Variants in KCNH3 observed in about 807,000 individuals in gnomAD.
KCNH3 encodes potassium voltage-gated channel subfamily H member 3, also known as voltage-gated inwardly rectifying potassium channel KCNH3.
In KCNH3, 36 loss-of-function variants were observed where a neutral mutation model predicts 95.6. The ratio of observed to expected loss-of-function variants is 0.38; its 90% CI spans 0.29 to 0.50. The LOEUF (loss-of-function observed/expected upper bound fraction) is 0.50, where lower values mean the gene tolerates loss of function less well. KCNH3 is among the 20% of genes least tolerant of loss of function. The pLI is 0.95. For missense variants in KCNH3, 1,030 were observed against 1,484.1 expected (o/e 0.69, Z 5.03); for synonymous variants, 620 against 646.3 (o/e 0.96, Z 0.62).
chr12:49,558,214 A>G lies in KCNH3; in HGVS notation c.*261A>G, dbSNP rs1938552839. 2.5e-6 allele frequency: 1 copy of G among 402,368 alleles called. No individual in the cohort carries two copies. The highest frequency in any genetic ancestry group is 4.2e-5 in the Admixed American group (1 of 24,084). 24.9% of individuals were successfully genotyped at this position (402,368 alleles called of 1,614,324 possible). Reference sequence around the variant, plus strand: ...GGCTGGGGGCAGAGGCCTGAGGACAAGGAAGAGCTTTGCCATCCCCTGCAT... The same window carrying G: ...GGCTGGGGGCAGAGGCCTGAGGACAGGGAAGAGCTTTGCCATCCCCTGCAT... On this transcript the variant is annotated 3_prime_UTR_variant, in exon 15 of 15. Coordinates refer to ENST00000257981, the MANE Select transcript of KCNH3 (RefSeq NM_012284.3).
At position 49,549,076 on chromosome 12, in the gene KCNH3, C is replaced by T; in HGVS notation, c.1371C>T (p.Tyr457=). ...GCAGCGCCTACATCACCTCCCTCTA[C>T]TTCGCACTCAGCAGCCTCACCAGCG... ...SLRSAYITSL[Y]FALSSLTSVG... is the part of the protein sequence containing the mutation. The change falls in exon 8 of 15, where the codon TAC becomes TAT. Residue 457 remains tyrosine (Y), a synonymous_variant. Coordinates refer to ENST00000257981, the MANE Select transcript of KCNH3 (RefSeq NM_012284.3). 2 of 1,612,716 alleles carry T rather than the reference C, an allele frequency of 1.2e-6. No individual in the cohort carries two copies. The highest frequency in any genetic ancestry group is 8.5e-7 in the Non-Finnish European group (1 of 1,179,858).
At chr12:49,556,008 G>C in intron 12 of KCNH3, 57 bp downstream of exon 12, 6 of 851,760 alleles carry the variant, frequency 7.0e-6, no homozygotes, top group Non-Finnish European at 1.1e-5. Context: ...TGAGGCCCTG[G>C]GCAGGCGCAC....
chr12:49,556,739 C>A (rs1391034194), intron 13 of KCNH3: 1 of 684,988 alleles, frequency 1.5e-6, no homozygotes, highest in Admixed American at 2.0e-5. Flanking sequence ...TTCTCTGGCC[C>A]CAGCTTCCTG....
rs769049896 is a variant in KCNH3, at chr12:49,556,399, G to C, written c.2498G>C (p.Gly833Ala). 7 of 1,613,966 alleles carry C rather than the reference G, an allele frequency of 4.3e-6. No individual in the cohort carries two copies. In the Admixed American group the frequency reaches 1.2e-4, roughly 27 times the overall value. Residue 833 changes from glycine to alanine, a missense_variant, in exon 13 of 15, where the codon GGC becomes GCC. By Grantham distance (60) the Gly-to-Ala change is moderately conservative (BLOSUM62 0). Coordinates refer to ENST00000257981, the MANE Select transcript of KCNH3 (RefSeq NM_012284.3). ...GTAGATGGCATTGAAGACGGCTGTG[G>C]CTCGGACCAGCCCAAGTTCTCTTTC... ...RVVDGIEDGC[G>A]SDQPKFSFRV...
intron 4 of KCNH3, 83 bp from the exon 5 acceptor site, chr12:49,543,192 G>A: frequency 1.4e-6 from 2 of 1,438,058 alleles, no homozygotes; most frequent in African/African-American, 1.4e-5. Flanking sequence ...GAAAGGAGGT[G>A]GATGCGGGTC....
intron 11 of KCNH3, among the ~76,000 whole-genome samples, 174 bp from the exon 12 acceptor site, chr12:49,555,446 C>CAA (rs762389072): frequency 2.4e-4 from 19 of 79,238 alleles, no homozygotes; most frequent in African/African-American, 4.6e-4. Flanking sequence ...GACTCTGTCT[C>CAA]AAAAAAAAAA....
At chr12:49,551,911 C>T (rs1367527254) in intron 10 of KCNH3, among the ~76,000 whole-genome samples, 1 of 152,208 alleles carries the variant, frequency 6.6e-6, no homozygotes. Context: ...TCCATCCTTG[C>T]TCCCTTGAAG....
chr12:49,555,614 C>A lies in KCNH3; in HGVS notation c.2137-6C>A. The stretch of plus-strand genomic sequence containing the variant: ...ATGCCGATTCCCTGTCCCTCACTAT[C>A]CCTAGGTGGACACCAGCTCCCTGAG... On this transcript the variant is annotated splice_region_variant and splice_polypyrimidine_tract_variant and intron_variant, in intron 11 of 14. Transcript: ENST00000257981. 6.5e-7 allele frequency: 1 copy of A among 1,526,832 alleles called. No individual in the cohort carries two copies. The highest frequency in any genetic ancestry group is 8.8e-7 in the Non-Finnish European group (1 of 1,130,786). 94.6% of individuals were successfully genotyped at this position (1,526,832 alleles called of 1,614,324 possible). A position where few individuals can be genotyped will look rare whatever the true frequency, so the allele number is the denominator to read the frequency against.
chr12:49,541,518 A>C, intron 2 of KCNH3, 112 bp from the exon 3 acceptor site: 49 of 1,295,438 alleles, frequency 3.8e-5, no homozygotes, highest in Non-Finnish European at 5.1e-5. Context: ...TTCCCCCAGG[A>C]AACCGCTAGA....
intron 12 of KCNH3, 104 bp from the exon 13 acceptor site, chr12:49,556,266 C>T (rs1189383549): frequency 1.7e-5 from 14 of 845,908 alleles, no homozygotes; most frequent in African/African-American, 1.0e-4. Flanking sequence ...GTCAGTTCCA[C>T]GCTCCTGCAG....
intron 9 of KCNH3, 26 bp from the exon 10 acceptor site, chr12:49,550,054 C>G: frequency 6.5e-7 from 1 of 1,529,486 alleles, no homozygotes; most frequent in Non-Finnish European, 8.8e-7. Context: ...CCCAACCCCC[C>G]CACCCCCGCA....
rs1405622991 is a variant in KCNH3, at chr12:49,542,771, C to A, written c.511C>A (p.Arg171=). Residue 171 remains arginine (R), a synonymous_variant, in exon 4 of 15, where the codon CGG becomes AGG. Transcript: ENST00000257981. The stretch of plus-strand genomic sequence containing the variant: ...CTTCAATGCCAACCGGCGGCGGAGC[C>A]GGGCCGTGCTCTACCACCTGTCCGG... ...KGFNANRRRS[R]AVLYHLSGHL... 2 of 1,594,766 alleles carry A rather than the reference C, an allele frequency of 1.3e-6. No homozygotes were observed. Among genetic ancestry groups the A allele is most frequent in the Non-Finnish European group, 1.7e-6 (2 of 1,172,110 alleles).
In KCNH3 at chr12:49,539,044, C is replaced by G. The variant is rs1423719032; in HGVS notation, c.-373C>G. ...GGGAGGGAGGGAGGCTGCAGCTTCT[C>G]CCCGACAGACGGAGGGAGCTGCCGA... On this transcript the variant is annotated 5_prime_UTR_variant, in exon 1 of 15. Transcript: ENST00000257981. The surrounding 1 kb of genome is among the most constrained non-coding windows in gnomAD (Gnocchi z 6.7). 6.6e-6 allele frequency: 1 copy of G among 152,250 alleles called. No individual in the cohort carries two copies. Among genetic ancestry groups the G allele is most frequent in the African/African-American group, 2.4e-5 (1 of 41,450 alleles). 9.4% of individuals were successfully genotyped at this position (152,250 alleles called of 1,614,324 possible).
intron 7 of KCNH3, 106 bp from the exon 8 acceptor site, chr12:49,548,789 G>A (rs1938154693): frequency 2.5e-6 from 3 of 1,210,688 alleles, no homozygotes; most frequent in Non-Finnish European, 3.4e-6. Flanking sequence ...GCAAAGCGGC[G>A]GGAAGCCATG....
chr12:49,543,149 C>A, intron 4 of KCNH3, 126 bp from the exon 5 acceptor site: 1 of 1,079,256 alleles, frequency 9.3e-7, no homozygotes, highest in Non-Finnish European at 1.3e-6. Context: ...AATGCCATCT[C>A]GAAGCAGATG....
At chr12:49,557,136 T>C (rs746521403) in intron 13 of KCNH3, 47 bp from the exon 14 acceptor site, 2 of 1,598,060 alleles carry the variant, frequency 1.3e-6, no homozygotes, top group African/African-American at 2.7e-5. Flanking sequence ...AAATTGCCTA[T>C]CTCCTCTTAC....
rs372185249 is a variant in KCNH3 at position 49,539,519 on chromosome 12, C to T, written c.76+27C>T. 1.3e-6 allele frequency: 2 copies of T among 1,574,268 alleles called. No homozygotes were observed. Among genetic ancestry groups the T allele is most frequent in the Non-Finnish European group, 1.7e-6 (2 of 1,161,196 alleles). On this transcript the variant is annotated intron_variant, in intron 1 of 14. Coordinates refer to ENST00000257981, the MANE Select transcript of KCNH3 (RefSeq NM_012284.3). This position sits in a 1 kb window ranked among gnomAD's most constrained non-coding sequence, Gnocchi z 6.7. ...TGAGTCCGACCCTCGCCCACTTGCA[C>T]CCGGGCCGCCGGACCCTCGCCAGGG...
In KCNH3 at chr12:49,555,798, G is replaced by T. The variant is rs1430080223; in HGVS notation, c.2315G>T (p.Arg772Leu). 6 of 1,613,464 alleles carry T rather than the reference G, an allele frequency of 3.7e-6. No individual in the cohort carries two copies. Among genetic ancestry groups the T allele is most frequent in the Non-Finnish European group, 4.2e-6 (5 of 1,179,914 alleles). Residue 772 changes from arginine (R) to leucine (L), a missense_variant, in exon 12 of 15, where the codon CGA (arginine) becomes CTA (leucine). By Grantham distance (102) the Arg-to-Leu change is moderately radical. Around this residue, in one of 9 missense-constraint regions of KCNH3, gnomAD observed 464 missense variants for 493.2 expected, o/e 0.94. Transcript: ENST00000257981. ...SSAAKLLSPR[R>L]TAPRPRLGGR... The stretch of plus-strand genomic sequence containing the variant: ...GCTGCCAAGCTGCTATCCCCACGTC[G>T]AACAGCACCCCGGCCTCGTCTAGGT...
chr12:49,546,743 T>C (rs934403014), intron 7 of KCNH3, among the ~76,000 whole-genome samples: 1 of 152,178 alleles, frequency 6.6e-6, no homozygotes, highest in Non-Finnish European at 1.5e-5. Flanking sequence ...TGATGCCCCA[T>C]GGCCAAGACT....
Sources: gnomAD v4.1 joint callset for allele counts (sites outside exome capture counted in the v4.1 genomes callset) on GRCh38, gnomAD v4.1.1 for gene constraint, gnomAD v4.1.1 regional missense constraint, Gnocchi (gnomAD v3.1) non-coding constraint, MANE v1.5 for transcripts, NCBI Gene and HGNC (gene_info 2026-07-23, HGNC 2026-07-21) for gene names.